Variants in ZNF804B observed in about 807,000 individuals in gnomAD.
ZNF804B encodes zinc finger 804B.
ZNF804B carries 80 observed loss-of-function variants against 101.4 expected under a neutral mutation model. The ratio of observed to expected loss-of-function variants is 0.79; its 90% CI spans 0.66 to 0.95. ZNF804B has a LOEUF of 0.95. Ranked by LOEUF, ZNF804B falls within the 40% of genes least tolerant of loss-of-function variation. The pLI, the probability that ZNF804B is intolerant of heterozygous loss-of-function variation, is 0.00. For missense variants in ZNF804B, 1,673 were observed against 1,561.9 expected (o/e 1.07, Z -1.20); for synonymous variants, 622 against 558.8 (o/e 1.11, Z -1.59).
At chr7:89,134,628 T>A (rs572604264) in intron 1 of ZNF804B, among the ~76,000 whole-genome samples, 2 of 152,204 alleles carry the variant, frequency 1.3e-5, no homozygotes, top group Admixed American at 1.3e-4. Flanking sequence ...CTTCCCCAAT[T>A]TCCTGCCTTG....
At chr7:89,250,928 A>G (rs180807621) in intron 2 of ZNF804B, among the ~76,000 whole-genome samples, 6 of 152,204 alleles carry the variant, frequency 3.9e-5, no homozygotes, top group African/African-American at 9.6e-5. Context: ...CTAGGCATCA[A>G]AAGATTGTAC....
At chr7:88,830,039 T>A (rs1791108648) in intron 1 of ZNF804B, among the ~76,000 whole-genome samples, 1 of 152,188 alleles carries the variant, frequency 6.6e-6, no homozygotes, top group East Asian at 1.9e-4. Context: ...GTGTTTCTAC[T>A]GACGTTTTGC....
chr7:88,759,937 T>C lies in ZNF804B; in HGVS notation c.-40T>C. On this transcript the variant is annotated 5_prime_UTR_variant, in exon 1 of 4. Transcript: ENST00000333190. ...CGCCCGCTTTCCACGGCTGGTCGCCTGGTGAGGAGTTGAGACTCTGCGCCT... is the reference window on the plus strand; with the variant it reads ...CGCCCGCTTTCCACGGCTGGTCGCCCGGTGAGGAGTTGAGACTCTGCGCCT... 6.4e-7 allele frequency: 1 copy of C among 1,570,248 alleles called. No homozygotes were observed. The highest frequency in any genetic ancestry group is 8.8e-7 in the Non-Finnish European group (1 of 1,141,416).
chr7:89,271,860 G>C (rs1207376090), intron 2 of ZNF804B, among the ~76,000 whole-genome samples: 1 of 152,076 alleles, frequency 6.6e-6, no homozygotes, highest in African/African-American at 2.4e-5. Flanking sequence ...TTTGCGTAGA[G>C]GTGTTTTTAG....
At chr7:89,285,551 AGAAG>A (rs1562937220) in intron 2 of ZNF804B, among the ~76,000 whole-genome samples, 32 of 105,516 alleles carry the variant, frequency 3.0e-4, no homozygotes, top group African/African-American at 1.2e-3. Flanking sequence ...AAAAAAAAGA[AGAAG>A]AAGAAGAAGA....
At chr7:89,087,806 C>T (rs945830665) in intron 1 of ZNF804B, among the ~76,000 whole-genome samples, 2 of 151,596 alleles carry the variant, frequency 1.3e-5, no homozygotes, top group African/African-American at 2.4e-5. Flanking sequence ...ACTTTCCTAC[C>T]GTAAGAAATA....
At chr7:88,878,967 T>C (rs1189749045) in intron 1 of ZNF804B, among the ~76,000 whole-genome samples, 1 of 152,200 alleles carries the variant, frequency 6.6e-6, no homozygotes, top group South Asian at 2.1e-4. Flanking sequence ...ATTCTACTCA[T>C]GCTTCAGTAC....
chr7:88,905,322 T>C (rs1188955434), intron 1 of ZNF804B, among the ~76,000 whole-genome samples: 1 of 152,038 alleles, frequency 6.6e-6, no homozygotes, highest in African/African-American at 2.4e-5. Context: ...CGAATTAACT[T>C]TTTGATGTGC....
intron 1 of ZNF804B, among the ~76,000 whole-genome samples, chr7:89,079,557 T>C (rs964539722): frequency 6.6e-5 from 10 of 152,050 alleles, no homozygotes; most frequent in Admixed American, 2.0e-4. Context: ...GTGATATAGA[T>C]ACTGCAGTGA....
chr7:88,874,123 G>C (rs988299088), intron 1 of ZNF804B, among the ~76,000 whole-genome samples: 2 of 152,074 alleles, frequency 1.3e-5, no homozygotes, highest in Non-Finnish European at 2.9e-5. Context: ...TCTTCCATTT[G>C]TTTGTATCCT....
At position 89,049,653 on chromosome 7, in the gene ZNF804B, T is replaced by TA. The variant is rs563846203; in HGVS notation, c.109-168491dup. Among the ~76,000 whole-genome samples the TA allele has an allele frequency of 5.7e-3, 845 of 147,244 alleles. 11 individuals carry two copies. Among genetic ancestry groups the TA allele is most frequent in the African/African-American group, 0.019 (755 of 40,370 alleles). ...CTATGAAGTTTCAAGTGACAGAAAT[T>TA]AAAAAAAAAAATACTGCAGAAACTA... On this transcript the variant is annotated intron_variant, in intron 1 of 3. Transcript: ENST00000333190.
At chr7:89,244,283 A>G (rs528330865) in intron 2 of ZNF804B, among the ~76,000 whole-genome samples, 4 of 152,214 alleles carry the variant, frequency 2.6e-5, no homozygotes, top group African/African-American at 9.6e-5. Context: ...AATGTGAACC[A>G]CTTCTGAATT....
At chr7:88,762,636 T>C (rs1789915808) in intron 1 of ZNF804B, among the ~76,000 whole-genome samples, 1 of 152,128 alleles carries the variant, frequency 6.6e-6, no homozygotes, top group Admixed American at 6.5e-5. Context: ...TTAGTATAAA[T>C]GTTAAACTCA....
At position 88,909,519 on chromosome 7, in the gene ZNF804B, A is replaced by G. The variant is rs184680615; in HGVS notation, c.108+149435A>G. Among the ~76,000 whole-genome samples the G allele has an allele frequency of 9.2e-3, 1,399 of 151,930 alleles. 12 individuals carry two copies. The highest frequency in any genetic ancestry group is 0.013 in the Non-Finnish European group (888 of 67,754). ...TTTTCTTCTCCTAAAATTACAGAGC[A>G]GACTTCATTTTATTTCCTAGTAAAT... On this transcript the variant is annotated intron_variant, in intron 1 of 3. Coordinates refer to ENST00000333190, the MANE Select transcript of ZNF804B (RefSeq NM_181646.5).
At chr7:89,121,508 T>C (rs1244180887) in intron 1 of ZNF804B, among the ~76,000 whole-genome samples, 9 of 152,158 alleles carry the variant, frequency 5.9e-5, no homozygotes, top group Non-Finnish European at 1.2e-4. Context: ...ATGTATAATC[T>C]GCCAGAAAAA....
At chr7:88,985,785 A>G (rs143485462) in intron 1 of ZNF804B, among the ~76,000 whole-genome samples, 22 of 152,232 alleles carry the variant, frequency 1.4e-4, no homozygotes, top group African/African-American at 5.3e-4. Context: ...TGAAAGGAGA[A>G]AAGTGTTCTA....
intron 1 of ZNF804B, among the ~76,000 whole-genome samples, chr7:89,037,896 G>A (rs1788953725): frequency 6.6e-6 from 1 of 152,050 alleles, no homozygotes; most frequent in African/African-American, 2.4e-5. Flanking sequence ...GCATGAATAA[G>A]ATTATGCAGC....
chr7:88,872,676 G>A (rs990782886), intron 1 of ZNF804B, among the ~76,000 whole-genome samples: 1 of 150,680 alleles, frequency 6.6e-6, no homozygotes, highest in African/African-American at 2.4e-5. Context: ...GTGTCCATGT[G>A]TTCTCATTGT....
Position 89,221,360 on chromosome 7 carries a change from A to C in ZNF804B, c.249+3065A>C, listed in dbSNP as rs147713146. On this transcript the variant is annotated intron_variant, in intron 2 of 3. Coordinates refer to ENST00000333190, the MANE Select transcript of ZNF804B (RefSeq NM_181646.5). ...AAAAATTTATTCAGGGATTTGGAGA[A>C]ATAAAAGACCAGGAAAGGTCTCATG... 3.8e-3 allele frequency among the ~76,000 whole-genome samples: 578 copies of C among 152,146 alleles called. 3 individuals are homozygous for C. The highest frequency in any genetic ancestry group is 0.013 in the African/African-American group (555 of 41,542).
Sources: gnomAD v4.1 joint callset for allele counts (sites outside exome capture counted in the v4.1 genomes callset) on GRCh38, gnomAD v4.1.1 for gene constraint, MANE v1.5 for transcripts, NCBI Gene and HGNC (gene_info 2026-07-23, HGNC 2026-07-21) for gene names.